The following AUTS2 variants were observed in gnomAD, a reference collection of about 807,000 sequenced individuals.
AUTS2 encodes autism susceptibility gene 2 protein.
Under a neutral mutation model 112.4 loss-of-function variants are expected in AUTS2, and 17 were observed. The observed-to-expected ratio is 0.15, with a 90% CI of 0.10 to 0.23. The LOEUF (loss-of-function observed/expected upper bound fraction) is 0.23, where lower values mean the gene tolerates loss of function less well. Among genes scored for constraint, AUTS2 ranks in the 10% least tolerant of loss-of-function variants. The pLI, the probability that AUTS2 is intolerant of heterozygous loss-of-function variation, is 1.00. For synonymous variants in AUTS2, 751 were observed against 702.7 expected (o/e 1.07, Z -1.09); for missense variants, 1,510 against 1,701.6 (o/e 0.89, Z 1.98).
At chr7:70,621,994 G>A (rs1350679372) in intron 5 of AUTS2, among the ~76,000 whole-genome samples, 4 of 151,682 alleles carry the variant, frequency 2.6e-5, no homozygotes, top group Admixed American at 2.6e-4. Flanking sequence ...CTACAGGTGT[G>A]CGTCACGACA....
Position 70,254,955 on chromosome 7 carries a change from C to T in AUTS2, c.660+120384C>T, listed in dbSNP as rs138837867. Among the ~76,000 whole-genome samples the T allele has an allele frequency of 1.3e-3, 204 of 152,122 alleles. 2 individuals are homozygous for T. In the Middle Eastern group the frequency reaches 0.024, roughly 18 times the overall value. ...CTTTCCCTTCTAACATAACAATCCT[C>T]ATCATAAGTGAGAGAGAAGATTGGG... is the stretch of plus-strand genomic sequence containing the variant. On this transcript the variant is annotated intron_variant, in intron 4 of 18. Coordinates refer to ENST00000342771, the MANE Select transcript of AUTS2 (RefSeq NM_015570.4).
rs138163470 is a variant in AUTS2, at chr7:70,642,046, A to G, written c.691-56523A>G. On this transcript the variant is annotated intron_variant, in intron 5 of 18. Coordinates refer to ENST00000342771, the MANE Select transcript of AUTS2 (RefSeq NM_015570.4). ...ATGTGTCTATTTATGGAATTCTGCA[A>G]TCTACCTGCGGTGCATGTAAGTTCT... 9.8e-5 allele frequency among the ~76,000 whole-genome samples: 15 copies of G among 152,342 alleles called. No homozygotes were observed. In the East Asian group the frequency reaches 1.2e-3, roughly 12 times the overall value.
rs111674512 is a variant in AUTS2, at chr7:70,348,159, G to A, written c.661-87593G>A. On this transcript the variant is annotated intron_variant, in intron 4 of 18. Coordinates refer to ENST00000342771, the MANE Select transcript of AUTS2 (RefSeq NM_015570.4). ...GTCAGAGTAAAGAAACTTCTGTTCT[G>A]CCTCATTGCATCCCCACCACAACAG... Among the ~76,000 whole-genome samples the A allele has an allele frequency of 2.6e-4, 40 of 152,152 alleles. 2 individuals carry two copies. Among genetic ancestry groups the A allele is most frequent in the African/African-American group, 9.2e-4 (38 of 41,522 alleles).
intron 1 of AUTS2, among the ~76,000 whole-genome samples, chr7:69,744,425 A>G (rs759435982): frequency 1.6e-4 from 25 of 152,172 alleles, no homozygotes; most frequent in Non-Finnish European, 2.1e-4. Flanking sequence ...TCACAGCCAG[A>G]AAGGTGTCAA....
intron 15 of AUTS2, chr7:70,784,515 T>C (rs1256021806): frequency 1.8e-5 from 3 of 164,276 alleles, no homozygotes; most frequent in Non-Finnish European, 3.9e-5. Flanking sequence ...ATAAGCTTAT[T>C]AATGGCTCTA....
intron 4 of AUTS2, among the ~76,000 whole-genome samples, chr7:70,403,528 C>T (rs1474582846): frequency 1.3e-5 from 2 of 152,218 alleles, no homozygotes; most frequent in Non-Finnish European, 2.9e-5. Context: ...TGGCCAACAA[C>T]CTGCCTTCCT....
chr7:70,678,034 A>G (rs1425764813), intron 5 of AUTS2, among the ~76,000 whole-genome samples: 1 of 152,114 alleles, frequency 6.6e-6, no homozygotes, highest in African/African-American at 2.4e-5. Flanking sequence ...GTGAGCCGAG[A>G]TGGTGCCACT....
chr7:70,194,661 A>G (rs2129584116), intron 4 of AUTS2: 1 of 152,316 alleles, frequency 6.6e-6, no homozygotes, highest in Non-Finnish European at 1.5e-5. Context: ...TATCTCTCCC[A>G]TCCCAAGCAG....
intron 4 of AUTS2, among the ~76,000 whole-genome samples, chr7:70,391,655 G>A (rs1006519054): frequency 1.3e-5 from 2 of 152,062 alleles, no homozygotes; most frequent in African/African-American, 4.8e-5. Flanking sequence ...CTGGCAGAGT[G>A]TTAAGAATGC....
At position 69,852,268 on chromosome 7, in the gene AUTS2, G is replaced by C. The variant is rs1037789919; in HGVS notation, c.310-47018G>C. ...TGCATCCCTGGAATAAATCCCATTT[G>C]GTCAGGATGTATAATTCTTTTTATA... On this transcript the variant is annotated intron_variant, in intron 1 of 18. Coordinates refer to ENST00000342771, the MANE Select transcript of AUTS2 (RefSeq NM_015570.4). Among the ~76,000 whole-genome samples, 3 of 151,954 alleles carry C rather than the reference G, an allele frequency of 2.0e-5. 1 individual carries two copies. Among genetic ancestry groups the C allele is most frequent in the Admixed American group, 6.6e-5 (1 of 15,254 alleles).
chr7:70,733,687 A>G (rs1421801972), intron 6 of AUTS2, among the ~76,000 whole-genome samples: 1 of 152,066 alleles, frequency 6.6e-6, no homozygotes, highest in Non-Finnish European at 1.5e-5. Flanking sequence ...CCAGGGTTCA[A>G]GTGATTCTCC....
chr7:69,660,315 T>C (rs1350189613), intron 1 of AUTS2, among the ~76,000 whole-genome samples: 1 of 152,240 alleles, frequency 6.6e-6, no homozygotes, highest in Admixed American at 6.5e-5. Context: ...TTTATACTAC[T>C]GAGTTTTGCA....
intron 4 of AUTS2, among the ~76,000 whole-genome samples, chr7:70,324,128 T>C (rs1471960405): frequency 6.6e-6 from 1 of 152,112 alleles, no homozygotes; most frequent in African/African-American, 2.4e-5. Context: ...CTAAGACCTG[T>C]CTGAAAGTGA....
chr7:70,021,489 G>C lies in AUTS2; in HGVS notation c.523-96643G>C, dbSNP rs140552447. Among the ~76,000 whole-genome samples the C allele has an allele frequency of 6.0e-4, 91 of 152,300 alleles. 1 individual carries two copies. Among genetic ancestry groups the C allele is most frequent in the Non-Finnish European group, 1.1e-3 (75 of 68,020 alleles). ...TGAAGAGGCCCCATCTGCTATTCCA[G>C]ATGGGGCATCCTGAATTCATCACTC... On this transcript the variant is annotated intron_variant, in intron 2 of 18. Coordinates refer to ENST00000342771, the MANE Select transcript of AUTS2 (RefSeq NM_015570.4).
At chr7:70,535,483 C>T (rs1206855800) in intron 5 of AUTS2, among the ~76,000 whole-genome samples, 3 of 152,054 alleles carry the variant, frequency 2.0e-5, no homozygotes, top group African/African-American at 4.8e-5. Flanking sequence ...GGCGTGATCT[C>T]GGCTCACTGC....
chr7:70,274,222 G>A (rs1384545885), intron 4 of AUTS2, among the ~76,000 whole-genome samples: 1 of 151,756 alleles, frequency 6.6e-6, no homozygotes, highest in Non-Finnish European at 1.5e-5. Flanking sequence ...AATATCTTCA[G>A]CATTTTTCTT....
At chr7:70,186,411 G>A (rs1584852014) in intron 4 of AUTS2, among the ~76,000 whole-genome samples, 1 of 152,002 alleles carries the variant, frequency 6.6e-6, no homozygotes, top group East Asian at 1.9e-4. Flanking sequence ...GAGCGTTTGT[G>A]TGTGATTGGA....
At chr7:70,455,461 G>A (rs1796698528) in intron 5 of AUTS2, among the ~76,000 whole-genome samples, 1 of 152,132 alleles carries the variant, frequency 6.6e-6, no homozygotes, top group African/African-American at 2.4e-5. Context: ...GACCTGGCCT[G>A]CAGGGTACAA....
At chr7:69,999,447 A>G (rs1417942987) in intron 2 of AUTS2, among the ~76,000 whole-genome samples, 1 of 152,220 alleles carries the variant, frequency 6.6e-6, no homozygotes, top group Non-Finnish European at 1.5e-5. Context: ...AAAAAAGGAT[A>G]TGACTAACAC....
Sources: gnomAD v4.1 joint callset for allele counts (sites outside exome capture counted in the v4.1 genomes callset) on GRCh38, gnomAD v4.1.1 for gene constraint, MANE v1.5 for transcripts, NCBI Gene and HGNC (gene_info 2026-07-23, HGNC 2026-07-21) for gene names.